ACSF3: variants seen among roughly 807,000 people sequenced by gnomAD.
ACSF3 encodes malonate--CoA ligase ACSF3, mitochondrial.
Under a neutral mutation model 53.2 loss-of-function variants are expected in ACSF3, and 78 were observed. The ratio of observed to expected loss-of-function variants is 1.47; its 90% CI spans 1.22 to 1.77. The LOEUF (loss-of-function observed/expected upper bound fraction) is 1.77. Among genes scored for constraint, ACSF3 ranks in the 40% most tolerant of loss-of-function variants. The probability of loss-of-function intolerance (pLI) is 0.00; values close to 1 mark genes in which losing one functional copy is unlikely to be tolerated. For synonymous variants in ACSF3, 414 were observed against 333.1 expected, an observed-to-expected ratio of 1.24 and a Z score of -2.65; for missense variants, 937 against 771.1, an observed-to-expected ratio of 1.22 and a Z score of -2.55.
At chr16:89,136,975 C>A in intron 8 of ACSF3, 1 of 1,088,624 alleles carries the variant, frequency 9.2e-7, no homozygotes, top group Non-Finnish European at 1.2e-6. Context: ...TCTGCAGATG[C>A]TCTGACTCCA....
chr16:89,102,539 T>A, intron 3 of ACSF3, 65 bp from the exon 4 acceptor site: 2 of 1,592,420 alleles, frequency 1.3e-6, no homozygotes, highest in Non-Finnish European at 1.7e-6. Context: ...GAGCCCGAGG[T>A]CTGTGTGTGC....
At chr16:89,132,659 G>A (rs572176223) in intron 7 of ACSF3, among the ~76,000 whole-genome samples, 92 of 152,352 alleles carry the variant, frequency 6.0e-4, no homozygotes, top group African/African-American at 2.0e-3. Flanking sequence ...GGCGCTGCCC[G>A]CTCCAAGCTG....
rs1333817611 is a variant in ACSF3, at chr16:89,154,213, C to T, written c.*6C>T. 1 of 1,612,152 alleles carries T rather than the reference C, an allele frequency of 6.2e-7. No homozygotes were observed. Among genetic ancestry groups the T allele is most frequent in the African/African-American group, 1.3e-5 (1 of 75,016 alleles). ...GGCACTTCCACCCCTCATGACCCGG[C>T]AGACTGGGACTGCGGGTCTGGTGGG... On this transcript the variant is annotated 3_prime_UTR_variant, in exon 11 of 11. Transcript: ENST00000614302.
chr16:89,116,147 T>C (rs188173670), intron 6 of ACSF3, among the ~76,000 whole-genome samples: 18 of 152,350 alleles, frequency 1.2e-4, no homozygotes, highest in African/African-American at 4.3e-4. Flanking sequence ...GGACCACAGT[T>C]CTTTTTTAGT....
At chr16:89,141,614 G>A (rs547256387) in intron 8 of ACSF3, among the ~76,000 whole-genome samples, 33 of 152,374 alleles carry the variant, frequency 2.2e-4, no homozygotes, top group Middle Eastern at 3.4e-3. Context: ...ATCCAGGCCC[G>A]GGAGACGCAT....
chr16:89,109,787 A>G (rs1422839605), intron 4 of ACSF3, among the ~76,000 whole-genome samples: 1 of 151,820 alleles, frequency 6.6e-6, no homozygotes, highest in African/African-American at 2.4e-5. Context: ...GAGCCTCCCT[A>G]TGTTGCCCAG....
intron 8 of ACSF3, among the ~76,000 whole-genome samples, chr16:89,139,591 GTT>G (rs56177880): frequency 0.18 from 20,128 of 110,460 alleles, 1,575 homozygotes; most frequent in East Asian, 0.38. Flanking sequence ...TTTTTTTTCT[GTT>G]TTTTTTTTTT....
At chr16:89,111,590 G>A (rs951904374) in intron 4 of ACSF3, among the ~76,000 whole-genome samples, 1 of 152,272 alleles carries the variant, frequency 6.6e-6, no homozygotes, top group African/African-American at 2.4e-5. Flanking sequence ...GCGAGAACCC[G>A]CTAACGAGTG....
At chr16:89,151,005 A>G (rs1231328784) in intron 10 of ACSF3, 2 of 1,287,228 alleles carry the variant, frequency 1.6e-6, no homozygotes, top group Non-Finnish European at 2.0e-6. Flanking sequence ...AATTTCCCCA[A>G]ACCAAAGGTC....
chr16:89,145,272 A>G lies in ACSF3; in HGVS notation c.1372A>G (p.Thr458Ala). 2 of 1,614,034 alleles carry G rather than the reference A, an allele frequency of 1.2e-6. No individual in the cohort carries two copies. The highest frequency in any genetic ancestry group is 2.2e-5 in the South Asian group (2 of 91,074). Reference sequence around the variant, plus strand: ...CCAGAGCCCCTTTTCCTCAGGGGACACCGTGGTGTTTAAGGATGGCCAGTA... The same window carrying G: ...CCAGAGCCCCTTTTCCTCAGGGGACGCCGTGGTGTTTAAGGATGGCCAGTA... Reference protein sequence around the residue: ...TLDGWFKTGDTVVFKDGQYWI... With the variant: ...TLDGWFKTGDAVVFKDGQYWI... Residue 458 changes from threonine to alanine, a missense_variant, in exon 9 of 11, where the codon ACC becomes GCC. By Grantham distance (58) the Thr-to-Ala change is moderately conservative. Coordinates refer to ENST00000614302, the MANE Select transcript of ACSF3 (RefSeq NM_001243279.3).
intron 6 of ACSF3, among the ~76,000 whole-genome samples, chr16:89,115,456 G>A (rs897467536): frequency 9.9e-5 from 15 of 152,186 alleles, no homozygotes; most frequent in South Asian, 6.2e-4. Flanking sequence ...CCCGGCTTCC[G>A]CCCACAGTCA....
rs564667993 is a variant in ACSF3 at position 89,156,107 on chromosome 16, G to A, written c.*1900G>A. ...CCCTGTGCCAGGCTGGTCGGCCTTC[G>A]TGCACACAGTCCGCCAGTGCCCAGC... On this transcript the variant is annotated 3_prime_UTR_variant, in exon 11 of 11. Transcript: ENST00000614302. Among the ~76,000 whole-genome samples, 5 of 152,208 alleles carry A rather than the reference G, an allele frequency of 3.3e-5. No homozygotes were observed. Among genetic ancestry groups the A allele is most frequent in the South Asian group, 4.2e-4 (2 of 4,818 alleles).
rs566051483 is a variant in ACSF3 at position 89,124,029 on chromosome 16, C to T, written c.1239+3116C>T. On this transcript the variant is annotated intron_variant, in intron 7 of 10. Transcript: ENST00000614302. ...ACAGGTATCACACGCACGCAGTGTG[C>T]ACACTGGTATCACACACATGCAGTG... 8.5e-4 allele frequency among the ~76,000 whole-genome samples: 129 copies of T among 151,614 alleles called. 1 individual carries two copies. In the South Asian group the frequency reaches 0.018, roughly 21 times the overall value.
chr16:89,137,125 G>T (rs1567733366), intron 8 of ACSF3, among the ~76,000 whole-genome samples: 2 of 152,380 alleles, frequency 1.3e-5, no homozygotes, highest in East Asian at 3.9e-4. Context: ...GGGGTCAGGA[G>T]AGGGGCGGTA....
At chr16:89,106,194 C>T (rs967477317) in intron 4 of ACSF3, among the ~76,000 whole-genome samples, 1 of 152,134 alleles carries the variant, frequency 6.6e-6, no homozygotes, top group African/African-American at 2.4e-5. Context: ...TTAATGGACA[C>T]GGGAAAGCCT....
At chr16:89,117,567 G>T (rs894232265) in intron 6 of ACSF3, among the ~76,000 whole-genome samples, 1 of 151,414 alleles carries the variant, frequency 6.6e-6, no homozygotes. Context: ...CACCGAGGAT[G>T]TCAGGAGCAG....
In ACSF3 at chr16:89,106,029, C is replaced by T. The variant is rs569186587; in HGVS notation, c.822+3270C>T. Among the ~76,000 whole-genome samples the T allele has an allele frequency of 1.6e-3, 245 of 152,334 alleles. 1 individual carries two copies. The highest frequency in any genetic ancestry group is 3.3e-3 in the African/African-American group (138 of 41,576). On this transcript the variant is annotated intron_variant, in intron 4 of 10. Coordinates refer to ENST00000614302, the MANE Select transcript of ACSF3 (RefSeq NM_001243279.3). ...GCACACGGCTTGGGAGCTGCTGCTG[C>T]GGCGTCTCTGCCCAGGGGCATCTGC...
In ACSF3 at chr16:89,131,101, CTTTCTTTCTT is replaced by C. The variant is rs375783662; in HGVS notation, c.1240-2027_1240-2018del. Among the ~76,000 whole-genome samples the C allele has an allele frequency of 4.4e-3, 611 of 139,380 alleles. 12 individuals carry two copies. The highest frequency in any genetic ancestry group is 0.016 in the African/African-American group (594 of 37,720). The allele number at this position is 139,380 out of a possible 152,430, so 91.4% of individuals were successfully genotyped here. A position where few individuals can be genotyped will look rare whatever the true frequency, so the allele number is the denominator to read the frequency against. On this transcript the variant is annotated intron_variant, in intron 7 of 10. Coordinates refer to ENST00000614302, the MANE Select transcript of ACSF3 (RefSeq NM_001243279.3). ...TTCCATTTATTTCCAAGTGTTTGCC[CTTTCTTTCTT>C]TTTCTTTTTCTTTTTCTTTTTTTTT...
intron 3 of ACSF3, 94 bp downstream of exon 3, chr16:89,101,441 G>A (rs1328038279): frequency 8.4e-6 from 13 of 1,541,670 alleles, no homozygotes; most frequent in Non-Finnish European, 1.0e-5. Context: ...TCGCTTTTCT[G>A]TGGAGTCATT....
Sources: gnomAD v4.1 joint callset for allele counts (sites outside exome capture counted in the v4.1 genomes callset) on GRCh38, gnomAD v4.1.1 for gene constraint, MANE v1.5 for transcripts, NCBI Gene and HGNC (gene_info 2026-07-23, HGNC 2026-07-21) for gene names.